Variants in ITPR1 observed in about 807,000 individuals in gnomAD.
ITPR1 encodes the protein inositol 1,4,5-trisphosphate receptor type 1.
In ITPR1, 96 loss-of-function variants were observed where a neutral mutation model predicts 318.4. That is an observed-to-expected ratio of 0.30 (90% CI 0.26 to 0.36). The LOEUF (loss-of-function observed/expected upper bound fraction) is 0.36, where lower values mean the gene tolerates loss of function less well. Among genes scored for constraint, ITPR1 ranks in the 10% least tolerant of loss-of-function variants. The probability of loss-of-function intolerance (pLI) is 1.00; values close to 1 mark genes in which losing one functional copy is unlikely to be tolerated. For synonymous variants in ITPR1, 1,312 were observed against 1,289.9 expected, an observed-to-expected ratio of 1.02 and a Z score of -0.37; for missense variants, 2,440 against 3,460.2, an observed-to-expected ratio of 0.71 and a Z score of 7.40.
chr3:4,567,295 C>A (rs2087403260), intron 4 of ITPR1, among the ~76,000 whole-genome samples: 1 of 152,108 alleles, frequency 6.6e-6, no homozygotes, highest in Admixed American at 6.5e-5. Context: ...TCCTGTAGCA[C>A]TAGTGATCAG....
At position 4,644,129 on chromosome 3, in the gene ITPR1, A is replaced by G. The variant is rs1475611783; in HGVS notation, c.526-7A>G. 6 of 1,600,234 alleles carry G rather than the reference A, an allele frequency of 3.7e-6. No homozygotes were observed. The highest frequency in any genetic ancestry group is 5.1e-6 in the Non-Finnish European group (6 of 1,169,878). On this transcript the variant is annotated splice_polypyrimidine_tract_variant and splice_region_variant and intron_variant, in intron 7 of 61. Coordinates refer to ENST00000649015, the MANE Select transcript of ITPR1 (RefSeq NM_001378452.1). ...GTGCAAAGCTCTATTGCTCCTTTCC[A>G]TTCCAGGTGGTCATAGGTGACAAGG...
At chr3:4,711,969 G>T (rs1311933827) in intron 39 of ITPR1, 101 bp downstream of exon 39, 1 of 528,732 alleles carries the variant, frequency 1.9e-6, no homozygotes, top group Non-Finnish European at 3.4e-6. Context: ...TGACTGAGGG[G>T]CTAGCTTTTT....
At chr3:4,523,154 C>T (rs898542029) in intron 4 of ITPR1, among the ~76,000 whole-genome samples, 1 of 152,138 alleles carries the variant, frequency 6.6e-6, no homozygotes, top group Admixed American at 6.5e-5. Context: ...GAGGGATATG[C>T]GTCCGGAAGG....
At chr3:4,697,105 C>T (rs377066302) in intron 33 of ITPR1, 42 bp from the exon 34 acceptor site, 19 of 1,601,258 alleles carry the variant, frequency 1.2e-5, no homozygotes, top group Non-Finnish European at 1.6e-5. Context: ...GTTCCATACA[C>T]ACCAAGATGG....
chr3:4,822,228 G>T (rs142954832), intron 60 of ITPR1, among the ~76,000 whole-genome samples: 1 of 152,306 alleles, frequency 6.6e-6, no homozygotes, highest in Non-Finnish European at 1.5e-5. Context: ...GGGAGCAGGC[G>T]AAAGAGCAAC....
chr3:4,663,259 A>G, intron 16 of ITPR1, 53 bp downstream of exon 16: 9 of 1,538,718 alleles, frequency 5.8e-6, no homozygotes, highest in Non-Finnish European at 7.1e-6. Context: ...ATCATAAAGC[A>G]TGAGTGGTAG....
In ITPR1 at chr3:4,811,395, A is replaced by C; in HGVS notation, c.7403A>C (p.Tyr2468Ser). ...ILVYLFSIVG[Y>S]LFFKDDFILE... Reference sequence around the variant, plus strand: ...GTTTACCTGTTCTCAATAGTGGGCTATCTTTTCTTCAAGGATGACTTTATC... The same window carrying C: ...GTTTACCTGTTCTCAATAGTGGGCTCTCTTTTCTTCAAGGATGACTTTATC... Residue 2468 changes from tyrosine to serine, a missense_variant, in exon 56 of 62, where the codon TAT (tyrosine) becomes TCT (serine). By Grantham distance (144) the Tyr-to-Ser change is moderately radical. Coordinates refer to ENST00000649015, the MANE Select transcript of ITPR1 (RefSeq NM_001378452.1). 6.2e-7 allele frequency: 1 copy of C among 1,614,020 alleles called. No individual in the cohort carries two copies. Among genetic ancestry groups the C allele is most frequent in the Non-Finnish European group, 8.5e-7 (1 of 1,179,878 alleles).
chr3:4,696,162 A>G (rs781121983), intron 33 of ITPR1, among the ~76,000 whole-genome samples: 2 of 152,184 alleles, frequency 1.3e-5, no homozygotes, highest in Non-Finnish European at 2.9e-5. Flanking sequence ...TGTACAATTG[A>G]GTGGTTTTTA....
intron 55 of ITPR1, among the ~76,000 whole-genome samples, chr3:4,808,685 T>G (rs563958327): frequency 2.0e-5 from 3 of 152,308 alleles, no homozygotes; most frequent in Admixed American, 2.0e-4. Context: ...ACACTGACAC[T>G]TCAAATTATT....
intron 12 of ITPR1, among the ~76,000 whole-genome samples, chr3:4,656,438 G>T (rs1054545826): frequency 6.6e-6 from 1 of 152,212 alleles, no homozygotes; most frequent in Non-Finnish European, 1.5e-5. Flanking sequence ...TTGTAGAAGT[G>T]TTCTGTCACT....
chr3:4,627,741 T>C (rs754396958), intron 4 of ITPR1, 22 bp from the exon 5 acceptor site: 4 of 1,501,876 alleles, frequency 2.7e-6, no homozygotes, highest in Non-Finnish European at 3.7e-6. Flanking sequence ...TGGCAATTTC[T>C]GTTTGTTTGC....
intron 5 of ITPR1, among the ~76,000 whole-genome samples, chr3:4,632,929 CTTTTTTTT>C (rs1156474451): frequency 1.5e-5 from 1 of 66,022 alleles, no homozygotes; most frequent in African/African-American, 7.0e-5. Flanking sequence ...ACTTTCAGGT[CTTTTTTTT>C]TTTTTTTTTT....
chr3:4,724,214 C>T lies in ITPR1; in HGVS notation c.5137-1332C>T, dbSNP rs187542010. On this transcript the variant is annotated intron_variant, in intron 40 of 61. Transcript: ENST00000649015. ...CGTCTGTCCAGAATTGAGTGAGCAA[C>T]CCTTGTTGTCTTTGCCGAAGTAGTT... is the stretch of plus-strand genomic sequence containing the variant. Among the ~76,000 whole-genome samples the T allele has an allele frequency of 5.3e-5, 8 of 152,304 alleles. No individual in the cohort carries two copies. In the East Asian group the frequency reaches 1.5e-3, roughly 29 times the overall value.
chr3:4,635,535 C>CG, intron 5 of ITPR1, among the ~76,000 whole-genome samples: 1 of 151,668 alleles, frequency 6.6e-6, no homozygotes, highest in East Asian at 2.0e-4. Context: ...TTAGTAGAGA[C>CG]GGGGTTTCCC....
intron 5 of ITPR1, among the ~76,000 whole-genome samples, chr3:4,628,614 G>C (rs1014561480): frequency 2.0e-5 from 3 of 152,256 alleles, no homozygotes; most frequent in Admixed American, 1.3e-4. Context: ...TGTTCCCTGA[G>C]CTACTTCATT....
intron 60 of ITPR1, 139 bp downstream of exon 60, chr3:4,818,381 G>A (rs1248515639): frequency 2.5e-5 from 15 of 611,614 alleles, no homozygotes; most frequent in Non-Finnish European, 4.0e-5. Flanking sequence ...CGGATGGGGC[G>A]CTGTGCTCTG....
chr3:4,677,409 T>C (rs1326573936), intron 24 of ITPR1, among the ~76,000 whole-genome samples: 1 of 152,188 alleles, frequency 6.6e-6, no homozygotes, highest in East Asian at 1.9e-4. Context: ...GGGCTGGGGT[T>C]ATTGTGTTTG....
At chr3:4,685,799 A>G (rs1345790688) in intron 30 of ITPR1, among the ~76,000 whole-genome samples, 4 of 152,206 alleles carry the variant, frequency 2.6e-5, no homozygotes, top group Admixed American at 6.5e-5. Context: ...CTTTGCATGC[A>G]TGTAGGCTGA....
At chr3:4,684,442 CT>C in intron 29 of ITPR1, 96 bp downstream of exon 29, 1 of 856,776 alleles carries the variant, frequency 1.2e-6, no homozygotes, top group Non-Finnish European at 1.9e-6. Context: ...CACATTTGAG[CT>C]TTTTTCTTCA....
Sources: gnomAD v4.1 joint callset for allele counts (sites outside exome capture counted in the v4.1 genomes callset) on GRCh38, gnomAD v4.1.1 for gene constraint, MANE v1.5 for transcripts, NCBI Gene and HGNC (gene_info 2026-07-23, HGNC 2026-07-21) for gene names.